EXOC8: variants seen among roughly 807,000 people sequenced by gnomAD.
EXOC8 encodes exocyst complex component 8, also known as exocyst complex 84 kDa subunit.
Under a neutral mutation model 50.8 loss-of-function variants are expected in EXOC8, and 19 were observed. That is an observed-to-expected ratio of 0.37 (90% CI 0.26 to 0.55). The LOEUF (loss-of-function observed/expected upper bound fraction) is 0.55, where lower values mean the gene tolerates loss of function less well. Among genes scored for constraint, EXOC8 ranks in the 20% least tolerant of loss-of-function variants. The pLI, the probability that EXOC8 is intolerant of heterozygous loss-of-function variation, is 0.80. For missense variants in EXOC8, 781 were observed against 915.8 expected, an observed-to-expected ratio of 0.85 and a Z score of 1.90; for synonymous variants, 384 against 367.9, an observed-to-expected ratio of 1.04 and a Z score of -0.50.
Position 231,337,475 on chromosome 1 carries a change from G to A in EXOC8, c.271C>T (p.Leu91=). ...TCCAGGCTGCTTTTCTGCTCGGTCA[G>A]CAAATGGCTGAGCTGGTACATCTCG... ...ESEMYQLSHL[L]TEQKSSLESI... The change falls in exon 1 of 1, where the codon CTG becomes TTG. Residue 91 remains leucine, a synonymous_variant. Transcript: ENST00000366645. This position sits in a 1 kb window ranked among gnomAD's most constrained non-coding sequence, Gnocchi z 5.9. The A allele has an allele frequency of 6.2e-7, 1 of 1,613,228 alleles. No homozygotes were observed. Among genetic ancestry groups the A allele is most frequent in the Non-Finnish European group, 8.5e-7 (1 of 1,179,990 alleles).
Position 231,337,311 on chromosome 1 carries a change from A to G in EXOC8, c.435T>C (p.Gly145=). ...CTGGACCGGAGCCGTCGCGGGAGGC[A>G]CCCCCGGGGGTGGAGAAAAAGCCGG... is the stretch of plus-strand genomic sequence containing the variant. ...GQAGFFSTPG[G]ASRDGSGPGE... The change falls in exon 1 of 1, where the codon GGT becomes GGC. Residue 145 remains glycine, a synonymous_variant. Coordinates refer to ENST00000366645, the MANE Select transcript of EXOC8 (RefSeq NM_175876.5). The surrounding 1 kb of genome is among the most constrained non-coding windows in gnomAD (Gnocchi z 5.9). The G allele has an allele frequency of 6.2e-7, 1 of 1,602,080 alleles. No homozygotes were observed.
At position 231,336,386 on chromosome 1, in the gene EXOC8, G is replaced by A; in HGVS notation, c.1360C>T (p.Leu454Phe). 6.2e-7 allele frequency: 1 copy of A among 1,614,034 alleles called. No individual in the cohort carries two copies. Among genetic ancestry groups the A allele is most frequent in the Non-Finnish European group, 8.5e-7 (1 of 1,180,044 alleles). Residue 454 changes from leucine to phenylalanine, a missense_variant, in exon 1 of 1, where the codon CTC becomes TTC. By Grantham distance (22) the Leu-to-Phe change is conservative. Transcript: ENST00000366645. This position sits in a 1 kb window ranked among gnomAD's most constrained non-coding sequence, Gnocchi z 5.4. Reference sequence around the variant, plus strand: ...ACATGGCACAGCTTATGAATATAGAGTAAAGTGGCACCTTCGATGCGAAGC... The same window carrying A: ...ACATGGCACAGCTTATGAATATAGAATAAAGTGGCACCTTCGATGCGAAGC... ...RQLRIEGATLLYIHKLCHVFF... is the reference protein window; with the variant it reads ...RQLRIEGATLFYIHKLCHVFF...
At position 231,335,291 on chromosome 1, in the gene EXOC8, C is replaced by G. The variant is rs1409954166; in HGVS notation, c.*277G>C. ...TTTATCAAAGGATAAAACCGAAATGCTATAGTATATAGTGTGACCATAATT... is the reference window on the plus strand; with the variant it reads ...TTTATCAAAGGATAAAACCGAAATGGTATAGTATATAGTGTGACCATAATT... On this transcript the variant is annotated 3_prime_UTR_variant, in exon 1 of 1. Transcript: ENST00000366645. The G allele has an allele frequency of 2.2e-5, 5 of 222,874 alleles. No homozygotes were observed. In the Admixed American group the frequency reaches 2.7e-4, roughly 12 times the overall value. 13.8% of individuals were successfully genotyped at this position (222,874 alleles called of 1,614,324 possible). A position where few individuals can be genotyped will look rare whatever the true frequency, so the allele number is the denominator to read the frequency against.
rs978134138 is a variant in EXOC8 at position 231,335,239 on chromosome 1, CAA to C, written c.*327_*328del. The stretch of plus-strand genomic sequence containing the variant: ...TGTGCGACGGGGTGAGACCCTGTCT[CAA>C]AAAAAAAAAAGAAAAAAGAAAAGTT... On this transcript the variant is annotated 3_prime_UTR_variant, in exon 1 of 1. Coordinates refer to ENST00000366645, the MANE Select transcript of EXOC8 (RefSeq NM_175876.5). The C allele has an allele frequency of 4.5e-4, 44 of 98,614 alleles. No individual in the cohort carries two copies. The highest frequency in any genetic ancestry group is 1.1e-3 in the South Asian group (4 of 3,516). 6.1% of individuals were successfully genotyped at this position (98,614 alleles called of 1,614,324 possible).
rs1686617411 is a variant in EXOC8, at chr1:231,334,154, GA to G, written c.*1413del. The G allele has an allele frequency of 6.6e-6, 1 of 152,072 alleles. No individual in the cohort carries two copies. The highest frequency in any genetic ancestry group is 6.6e-5 in the Admixed American group (1 of 15,266). The allele number at this position is 152,072 out of a possible 1,614,324, so 9.4% of individuals were successfully genotyped here. ...TATTCATGTTTAAAAACAAAGCAAG[GA>G]AAAATAAAAAATGAAACAAAAATGC... is the stretch of plus-strand genomic sequence containing the variant. On this transcript the variant is annotated 3_prime_UTR_variant, in exon 1 of 1. Transcript: ENST00000366645.
At position 231,337,616 on chromosome 1, in the gene EXOC8, G is replaced by T. The variant is rs1686713002; in HGVS notation, c.130C>A (p.His44Asn). 18 of 1,611,920 alleles carry T rather than the reference G, an allele frequency of 1.1e-5. No homozygotes were observed. Among genetic ancestry groups the T allele is most frequent in the Non-Finnish European group, 1.4e-5 (17 of 1,179,998 alleles). The stretch of plus-strand genomic sequence containing the variant: ...GCCAGCGCCTGGATGCGCTGCCGGT[G>T]CTCCTGGAGGTCCCGGTCCCCATCC... ...QSDGDRDLQEHRQRIQALAEE... is the reference protein window; with the variant it reads ...QSDGDRDLQENRQRIQALAEE... The change falls in exon 1 of 1, where the codon CAC becomes AAC. Residue 44 changes from histidine to asparagine, a missense_variant. Physicochemically the swap from His to Asn is moderately conservative, Grantham distance 68. Around this residue, in one of 3 missense-constraint regions of EXOC8, gnomAD observed 700 missense variants for 804.1 expected, o/e 0.87. Coordinates refer to ENST00000366645, the MANE Select transcript of EXOC8 (RefSeq NM_175876.5). This position sits in a 1 kb window ranked among gnomAD's most constrained non-coding sequence, Gnocchi z 5.9.
chr1:231,335,016 G>GA lies in EXOC8; in HGVS notation c.*551dup, dbSNP rs537820933. 2.6e-4 allele frequency: 39 copies of GA among 148,116 alleles called. No homozygotes were observed. Among genetic ancestry groups the GA allele is most frequent in the East Asian group, 5.9e-4 (3 of 5,128 alleles). 9.2% of individuals were successfully genotyped at this position (148,116 alleles called of 1,614,324 possible). ...ACTGCTGTATAATATATACTGTGGG[G>GA]AAAAAAAAAAAGAAGAAAGAAAAGA... is the stretch of plus-strand genomic sequence containing the variant. On this transcript the variant is annotated 3_prime_UTR_variant, in exon 1 of 1. Coordinates refer to ENST00000366645, the MANE Select transcript of EXOC8 (RefSeq NM_175876.5).
Position 231,333,225 on chromosome 1 carries a change from G to A in EXOC8, c.*2343C>T, listed in dbSNP as rs1055952111. The A allele has an allele frequency of 6.6e-6, 1 of 152,302 alleles. No homozygotes were observed. Among genetic ancestry groups the A allele is most frequent in the Admixed American group, 6.5e-5 (1 of 15,296 alleles). The allele number at this position is 152,302 out of a possible 1,614,324, so 9.4% of individuals were successfully genotyped here. On this transcript the variant is annotated 3_prime_UTR_variant, in exon 1 of 1. Coordinates refer to ENST00000366645, the MANE Select transcript of EXOC8 (RefSeq NM_175876.5). ...TAAAACAGAAGAATTAGAGAAGAAA[G>A]CCCATGCCACTTTGAGGAATGTAAC...
Position 231,333,770 on chromosome 1 carries a change from G to C in EXOC8, c.*1798C>G, listed in dbSNP as rs1686611019. 2 of 152,526 alleles carry C rather than the reference G, an allele frequency of 1.3e-5. No homozygotes were observed. Among genetic ancestry groups the C allele is most frequent in the Middle Eastern group, 3.2e-3 (1 of 316 alleles). 9.4% of individuals were successfully genotyped at this position (152,526 alleles called of 1,614,324 possible). A position where few individuals can be genotyped will look rare whatever the true frequency, so the allele number is the denominator to read the frequency against. On this transcript the variant is annotated 3_prime_UTR_variant, in exon 1 of 1. Coordinates refer to ENST00000366645, the MANE Select transcript of EXOC8 (RefSeq NM_175876.5). Reference sequence around the variant, plus strand: ...TGATACTTTCCAATATTTTAAATATGCACAGCTAAAGAGAAAATAAAGGGG... The same window carrying C: ...TGATACTTTCCAATATTTTAAATATCCACAGCTAAAGAGAAAATAAAGGGG...
rs750657660 is a variant in EXOC8, at chr1:231,336,544, T to G, written c.1202A>C (p.Asp401Ala). 3.7e-6 allele frequency: 6 copies of G among 1,614,100 alleles called. No individual in the cohort carries two copies. The highest frequency in any genetic ancestry group is 5.1e-6 in the Non-Finnish European group (6 of 1,180,008). Residue 401 changes from aspartate (D) to alanine (A), a missense_variant, in exon 1 of 1, where the codon GAT becomes GCT. Coordinates refer to ENST00000366645, the MANE Select transcript of EXOC8 (RefSeq NM_175876.5). This position sits in a 1 kb window ranked among gnomAD's most constrained non-coding sequence, Gnocchi z 5.4. ...TEVLVFELSP[D>A]RSLRGGPKAT... ...CTTCGGACCACCTCTCAGGGAACGA[T>G]CTGGGGAGAGTTCGAAAACTAGCAC...
chr1:231,334,996 T>C lies in EXOC8; in HGVS notation c.*572A>G, dbSNP rs1686632883. The C allele has an allele frequency of 6.6e-6, 1 of 152,062 alleles. No homozygotes were observed. 9.4% of individuals were successfully genotyped at this position (152,062 alleles called of 1,614,324 possible). Reference sequence around the variant, plus strand: ...ATGTATTTATAGATATTATGACTGCTGTATAATATATACTGTGGGGAAAAA... The same window carrying C: ...ATGTATTTATAGATATTATGACTGCCGTATAATATATACTGTGGGGAAAAA... On this transcript the variant is annotated 3_prime_UTR_variant, in exon 1 of 1. Transcript: ENST00000366645.
At position 231,337,234 on chromosome 1, in the gene EXOC8, C is replaced by A; in HGVS notation, c.512G>T (p.Gly171Val). Residue 171 changes from glycine (G) to valine (V), a missense_variant, in exon 1 of 1, where the codon GGC (glycine) becomes GTC (valine). This residue lies in a region of EXOC8 where 700 missense variants were observed against 804.1 expected (regional missense o/e 0.87). Coordinates refer to ENST00000366645, the MANE Select transcript of EXOC8 (RefSeq NM_175876.5). This position sits in a 1 kb window ranked among gnomAD's most constrained non-coding sequence, Gnocchi z 5.9. ...CGGCGTCTCCAGCAGATGCCTGCAG[C>A]CTTCCACCTTCTCAAGCAGGGTGGT... ...TLTTLLEKVEGCRHLLETPGQ... is the reference protein window; with the variant it reads ...TLTTLLEKVEVCRHLLETPGQ... 2 of 1,612,984 alleles carry A rather than the reference C, an allele frequency of 1.2e-6. No homozygotes were observed. Among genetic ancestry groups the A allele is most frequent in the Admixed American group, 1.7e-5 (1 of 60,014 alleles).
At position 231,336,020 on chromosome 1, in the gene EXOC8, T is replaced by G; in HGVS notation, c.1726A>C (p.Arg576=). The part of the protein sequence containing the change: ...TKHRNSEEMW[R]RMNLMTPEAL... ...TCTGGCGTCATCAAGTTCATCCTCCTCCACATCTCTTCAGAGTTGCGATGT... is the reference window on the plus strand; with the variant it reads ...TCTGGCGTCATCAAGTTCATCCTCCGCCACATCTCTTCAGAGTTGCGATGT... The change falls in exon 1 of 1, where the codon AGG becomes CGG. Residue 576 remains arginine (R), a synonymous_variant. Transcript: ENST00000366645. The surrounding 1 kb of genome is among the most constrained non-coding windows in gnomAD (Gnocchi z 5.4). 1.9e-6 allele frequency: 3 copies of G among 1,614,186 alleles called. No homozygotes were observed. Among genetic ancestry groups the G allele is most frequent in the Non-Finnish European group, 2.5e-6 (3 of 1,180,042 alleles).
Position 231,337,021 on chromosome 1 carries a change from T to C in EXOC8, c.725A>G (p.Lys242Arg). The C allele has an allele frequency of 6.2e-7, 1 of 1,614,116 alleles. No homozygotes were observed. The highest frequency in any genetic ancestry group is 1.1e-5 in the South Asian group (1 of 91,086). Residue 242 changes from lysine to arginine, a missense_variant, in exon 1 of 1, where the codon AAG becomes AGG. Lys to Arg is a conservative substitution (Grantham distance 26). This residue lies in a region of EXOC8 where 700 missense variants were observed against 804.1 expected (regional missense o/e 0.87). Transcript: ENST00000366645. The surrounding 1 kb of genome is among the most constrained non-coding windows in gnomAD (Gnocchi z 5.9). ...SLDGLAVVNV[K>R]DNPPMKDMFK... ...CATGTCCTTCATGGGCGGGTTGTCC[T>C]TGACATTGACTACGGCCAAACCATC...
In EXOC8 at chr1:231,335,688, G is replaced by C; in HGVS notation, c.2058C>G (p.Leu686=). 6.2e-7 allele frequency: 1 copy of C among 1,614,154 alleles called. No individual in the cohort carries two copies. The highest frequency in any genetic ancestry group is 8.5e-7 in the Non-Finnish European group (1 of 1,180,010). ...QNASFLYETV[L]PVVEKRFEEG... ...CTTCAAACCTTTTCTCCACCACAGG[G>C]AGGACTGTTTCATATAAAAAGGATG... is the stretch of plus-strand genomic sequence containing the variant. The change falls in exon 1 of 1, where the codon CTC becomes CTG. Residue 686 remains leucine (L), a synonymous_variant. Transcript: ENST00000366645.
Position 231,335,755 on chromosome 1 carries a change from C to T in EXOC8, c.1991G>A (p.Cys664Tyr), listed in dbSNP as rs567947972. Residue 664 changes from cysteine to tyrosine, a missense_variant, in exon 1 of 1, where the codon TGT becomes TAT. Coordinates refer to ENST00000366645, the MANE Select transcript of EXOC8 (RefSeq NM_175876.5). ...AGCTTTCTTCTCTGGATCCTGCTCA[C>T]ATCGAAGACTATAATCCACATGCTG... Reference protein sequence around the residue: ...AVQHVDYSLRCEQDPEKKAFI... With the variant: ...AVQHVDYSLRYEQDPEKKAFI... The T allele has an allele frequency of 6.2e-7, 1 of 1,614,210 alleles. No individual in the cohort carries two copies. The highest frequency in any genetic ancestry group is 8.5e-7 in the Non-Finnish European group (1 of 1,180,038).
At position 231,336,603 on chromosome 1, in the gene EXOC8, G is replaced by A. The variant is rs1011793693; in HGVS notation, c.1143C>T (p.Ala381=). The part of the protein sequence containing the change: ...PSPPPVKELR[A]KVEERVRQLT... ...GCTGTCGAACTCGCTCCTCCACTTT[G>A]GCCCTTAGTTCTTTTACAGGAGGTG... Residue 381 remains alanine (A), a synonymous_variant, in exon 1 of 1, where the codon GCC becomes GCT. Coordinates refer to ENST00000366645, the MANE Select transcript of EXOC8 (RefSeq NM_175876.5). This position sits in a 1 kb window ranked among gnomAD's most constrained non-coding sequence, Gnocchi z 5.4. The A allele has an allele frequency of 1.2e-6, 2 of 1,614,004 alleles. No homozygotes were observed. Among genetic ancestry groups the A allele is most frequent in the African/African-American group, 2.7e-5 (2 of 74,912 alleles).
At position 231,337,113 on chromosome 1, in the gene EXOC8, G is replaced by C; in HGVS notation, c.633C>G (p.Cys211Trp). 6.8e-6 allele frequency: 11 copies of C among 1,614,142 alleles called. No individual in the cohort carries two copies. The highest frequency in any genetic ancestry group is 9.3e-6 in the Non-Finnish European group (11 of 1,180,044). The change falls in exon 1 of 1, where the codon TGC becomes TGG. Residue 211 changes from cysteine to tryptophan, a missense_variant. Physicochemically the swap from Cys to Trp is radical, Grantham distance 215 (BLOSUM62 -2). Coordinates refer to ENST00000366645, the MANE Select transcript of EXOC8 (RefSeq NM_175876.5). The surrounding 1 kb of genome is among the most constrained non-coding windows in gnomAD (Gnocchi z 5.9). ...GAGGCAGCCAGGTAGCCACCAACAAGCAATCGTTCATGAGAAAGCCGTGCA... is the reference window on the plus strand; with the variant it reads ...GAGGCAGCCAGGTAGCCACCAACAACCAATCGTTCATGAGAAAGCCGTGCA... ...QRVHGFLMND[C>W]LLVATWLPQR...
At position 231,334,532 on chromosome 1, in the gene EXOC8, A is replaced by G. The variant is rs1686624657; in HGVS notation, c.*1036T>C. The G allele has an allele frequency of 6.6e-6, 1 of 152,136 alleles. No individual in the cohort carries two copies. The highest frequency in any genetic ancestry group is 6.5e-5 in the Admixed American group (1 of 15,280). The allele number at this position is 152,136 out of a possible 1,614,324, so 9.4% of individuals were successfully genotyped here. ...GTGTCCCCAATGTGTCTTGCTTATT[A>G]TTTTTTAAAATGTGACAAAGACAAA... On this transcript the variant is annotated 3_prime_UTR_variant, in exon 1 of 1. Transcript: ENST00000366645.
Sources: allele counts gnomAD v4.1 joint callset, GRCh38; gene constraint gnomAD v4.1.1; regional missense constraint gnomAD v4.1.1; non-coding constraint Gnocchi (gnomAD v3.1); transcripts MANE v1.5; gene names NCBI Gene and HGNC (gene_info 2026-07-23, HGNC 2026-07-21).